The following PLCXD1 variants were observed in gnomAD, a reference collection of about 807,000 sequenced individuals.
The protein encoded by PLCXD1 is PI-PLC X domain-containing protein 1.
A neutral mutation model predicts 37.8 loss-of-function variants in PLCXD1; 45 were observed. The observed-to-expected ratio is 1.19, with a 90% CI of 0.94 to 1.53. The LOEUF is 1.53. Among genes scored for constraint, PLCXD1 ranks in the 40% most tolerant of loss-of-function variants. The probability of loss-of-function intolerance (pLI) is 0.00; values close to 1 mark genes in which losing one functional copy is unlikely to be tolerated. For synonymous variants in PLCXD1, 246 were observed against 206.9 expected (o/e 1.19, Z -1.62); for missense variants, 539 against 454.7 (o/e 1.19, Z -1.69).
At chrX:276,784 C>T (rs1278920921), upstream of PLCXD1, among the ~76,000 whole-genome samples, 5 of 151,910 alleles carry the variant, frequency 3.3e-5, no homozygotes, top group Admixed American at 6.6e-5. Context: ...ACAGCTGGGA[C>T]GGTGGGGATG....
chrX:278,444 AGT>A (rs1318427496), upstream of PLCXD1, among the ~76,000 whole-genome samples: 2 of 152,090 alleles, frequency 1.3e-5, no homozygotes, highest in South Asian at 2.1e-4. Context: ...ACATTTAGAA[AGT>A]GTGTTTTGCT....
At position 281,704 on chromosome X, in the gene PLCXD1, G is replaced by A. The variant is rs1490090330; in HGVS notation, c.-22+20G>A. The A allele has an allele frequency of 6.6e-6, 1 of 152,088 alleles. No homozygotes were observed. Among genetic ancestry groups the A allele is most frequent in the Non-Finnish European group, 1.5e-5 (1 of 68,028 alleles). The allele number at this position is 152,088 out of a possible 1,614,324, so 9.4% of individuals were successfully genotyped here. On this transcript the variant is annotated intron_variant, in intron 1 of 6. Transcript: ENST00000381657. The stretch of plus-strand genomic sequence containing the variant: ...CTCAAGGTGGGTTTGCAGTTTGCAG[G>A]CAGCTGAAGTTTGTCTCTTCTCCAG...
chrX:283,002 TTA>T (rs894049129), intron 1 of PLCXD1, among the ~76,000 whole-genome samples: 57 of 146,780 alleles, frequency 3.9e-4, no homozygotes, highest in Middle Eastern at 3.6e-3. Context: ...TATGTATATA[TTA>T]TATATGTTAT....
At chrX:292,940 G>A in intron 5 of PLCXD1, 95 bp from the exon 6 acceptor site, 1 of 823,014 alleles carries the variant, frequency 1.2e-6, no homozygotes, top group Non-Finnish European at 1.9e-6. Context: ...TTATACTCGT[G>A]TTGGGCCGGT....
intron 3 of PLCXD1, 29 bp downstream of exon 3, chrX:288,898 T>C (rs1223926923): frequency 6.2e-7 from 1 of 1,607,538 alleles, no homozygotes; most frequent in Non-Finnish European, 8.5e-7. Context: ...GCTGCTGACC[T>C]GGCCTGTCAG....
chrX:284,779 T>A (rs2069394056), intron 2 of PLCXD1, among the ~76,000 whole-genome samples: 1 of 145,242 alleles, frequency 6.9e-6, no homozygotes, highest in African/African-American at 2.5e-5. Context: ...ATGGACTCAG[T>A]TCCACCTGGC....
In PLCXD1 at chrX:293,229, G is replaced by GC. The variant is rs1399484885; in HGVS notation, c.733+15dup. The GC allele has an allele frequency of 3.1e-6, 5 of 1,602,742 alleles. No homozygotes were observed. Among genetic ancestry groups the GC allele is most frequent in the Non-Finnish European group, 4.3e-6 (5 of 1,172,852 alleles). On this transcript the variant is annotated intron_variant, in intron 6 of 6. Coordinates refer to ENST00000381657, the MANE Select transcript of PLCXD1 (RefSeq NM_018390.4). The stretch of plus-strand genomic sequence containing the variant: ...GCTGCGGCCGCCCAGGTACCAGGTC[G>GC]CCCCTCGTGGGGGTAGATTCCACAC...
chrX:285,318 G>C (rs2069414333), intron 2 of PLCXD1, among the ~76,000 whole-genome samples: 1 of 151,836 alleles, frequency 6.6e-6, no homozygotes, highest in Non-Finnish European at 1.5e-5. Flanking sequence ...ATGCACATGT[G>C]CGGGTGTGTA....
rs2069533124 is a variant in PLCXD1 at position 288,718 on chromosome X, G to A, written c.128-15G>A. 3.1e-6 allele frequency: 5 copies of A among 1,613,606 alleles called. 1 individual carries two copies. In the South Asian group the frequency reaches 3.3e-5, roughly 11 times the overall value. On this transcript the variant is annotated splice_polypyrimidine_tract_variant and intron_variant, in intron 2 of 6. Transcript: ENST00000381657. ...GACTCGTGGTGACATGTCCGCGTGT[G>A]TGCTTTGCTCTCAGGGAGCCACGAC...
intron 1 of PLCXD1, chrX:283,964 C>T (rs1171588889): frequency 3.7e-6 from 2 of 538,684 alleles, no homozygotes; most frequent in Non-Finnish European, 6.7e-6. Context: ...TCACTGTAAC[C>T]TCCACCTCCC....
At chrX:278,743 A>AAAC (rs2069202810), upstream of PLCXD1, among the ~76,000 whole-genome samples, 1 of 147,020 alleles carries the variant, frequency 6.8e-6, no homozygotes, top group Non-Finnish European at 1.5e-5. Flanking sequence ...CGTCTCAAAA[A>AAAC]AAAAAAAAAA....
In PLCXD1 at chrX:290,638, C is replaced by G; in HGVS notation, c.265-10C>G. Reference sequence around the variant, plus strand: ...AGCCAGGCAGACATGACAGCAGCCTCTGTCCACAGGCACTGGACGTCACAG... The same window carrying G: ...AGCCAGGCAGACATGACAGCAGCCTGTGTCCACAGGCACTGGACGTCACAG... On this transcript the variant is annotated splice_polypyrimidine_tract_variant and intron_variant, in intron 3 of 6. Transcript: ENST00000381657. The G allele has an allele frequency of 6.2e-7, 1 of 1,613,576 alleles. No homozygotes were observed. Among genetic ancestry groups the G allele is most frequent in the Non-Finnish European group, 8.5e-7 (1 of 1,179,710 alleles).
rs956034185 is a variant in PLCXD1 at position 302,370 on chromosome X, T to C, written c.*3035T>C. Reference sequence around the variant, plus strand: ...GCCTCTGAAGCGTGAACGGTCCTAGTTTCAGACGCAGATCCTGCAAATACT... The same window carrying C: ...GCCTCTGAAGCGTGAACGGTCCTAGCTTCAGACGCAGATCCTGCAAATACT... On this transcript the variant is annotated 3_prime_UTR_variant, in exon 7 of 7. Transcript: ENST00000381657. 2.0e-5 allele frequency: 3 copies of C among 152,076 alleles called. No individual in the cohort carries two copies. The highest frequency in any genetic ancestry group is 7.2e-5 in the African/African-American group (3 of 41,404). The allele number at this position is 152,076 out of a possible 1,614,324, so 9.4% of individuals were successfully genotyped here.
At chrX:288,164 T>C (rs2124347325) in intron 2 of PLCXD1, among the ~76,000 whole-genome samples, 1 of 151,626 alleles carries the variant, frequency 6.6e-6, no homozygotes, top group South Asian at 2.1e-4. Flanking sequence ...CAAGATGACT[T>C]CATCTTGAGC....
chrX:279,732 A>G (rs113708065), upstream of PLCXD1, among the ~76,000 whole-genome samples: 88,788 of 150,504 alleles, frequency 0.59, 26,961 homozygotes, highest in Non-Finnish European at 0.67. Context: ...TGAGATCATG[A>G]CACTGCACAC....
chrX:279,203 C>T (rs189322086), upstream of PLCXD1, among the ~76,000 whole-genome samples: 18 of 152,278 alleles, frequency 1.2e-4, no homozygotes, highest in East Asian at 3.1e-3. Context: ...AGGGAGAACT[C>T]ACGATAGTAA....
At chrX:279,441 T>C (rs1248800985), upstream of PLCXD1, among the ~76,000 whole-genome samples, 1 of 151,990 alleles carries the variant, frequency 6.6e-6, no homozygotes, top group African/African-American at 2.4e-5. Flanking sequence ...GGTCATAAGG[T>C]AGATTTTAAA....
intron 3 of PLCXD1, among the ~76,000 whole-genome samples, chrX:289,197 C>T (rs755580019): frequency 6.6e-6 from 1 of 152,226 alleles, no homozygotes; most frequent in South Asian, 2.1e-4. Flanking sequence ...AAGCGATTCT[C>T]CTGCCTCATC....
chrX:285,282 A>G (rs987372279), intron 2 of PLCXD1, among the ~76,000 whole-genome samples: 10 of 152,084 alleles, frequency 6.6e-5, no homozygotes, highest in Non-Finnish European at 1.2e-4. Flanking sequence ...ATAGGCTCAT[A>G]CACACATGGA....
Sources: allele counts gnomAD v4.1 joint callset (sites outside exome capture counted in the v4.1 genomes callset), GRCh38; gene constraint gnomAD v4.1.1; transcripts MANE v1.5; gene names NCBI Gene and HGNC (gene_info 2026-07-23, HGNC 2026-07-21).